The following RORA variants were observed in gnomAD, a reference collection of about 807,000 sequenced individuals.
The protein encoded by RORA is RAR related orphan receptor A.
In RORA, 7 loss-of-function variants were observed where a neutral mutation model predicts 69.5. The observed-to-expected ratio is 0.10, with a 90% CI of 0.06 to 0.19. RORA has a LOEUF of 0.19. Among genes scored for constraint, RORA ranks in the 10% least tolerant of loss-of-function variants. RORA has a pLI of 1.00. For missense variants in RORA, 457 were observed against 663.0 expected, an observed-to-expected ratio of 0.69 and a Z score of 3.41; for synonymous variants, 261 against 240.8, an observed-to-expected ratio of 1.08 and a Z score of -0.78.
intron 2 of RORA, among the ~76,000 whole-genome samples, chr15:60,556,596 T>C (rs1218681140): frequency 1.3e-5 from 2 of 152,214 alleles, no homozygotes; most frequent in Admixed American, 1.3e-4. Context: ...GTGAAGATAT[T>C]GTCACTGACT....
intron 1 of RORA, among the ~76,000 whole-genome samples, chr15:61,189,392 T>C (rs1001798927): frequency 2.0e-5 from 3 of 152,070 alleles, no homozygotes; most frequent in Non-Finnish European, 4.4e-5. Flanking sequence ...TGGGCTCTTG[T>C]TTTTGAGAGG....
At chr15:60,910,799 C>T (rs1442023656) in intron 1 of RORA, among the ~76,000 whole-genome samples, 1 of 151,904 alleles carries the variant, frequency 6.6e-6, no homozygotes, top group African/African-American at 2.4e-5. Flanking sequence ...TTCATCCCCA[C>T]ACTGTCAGTC....
At chr15:60,717,363 C>T (rs756782646) in intron 1 of RORA, among the ~76,000 whole-genome samples, 31 of 152,160 alleles carry the variant, frequency 2.0e-4, no homozygotes, top group African/African-American at 3.9e-4. Flanking sequence ...GTGCCTTGTA[C>T]GCAACCATTC....
At chr15:61,177,627 A>C (rs984062890) in intron 1 of RORA, among the ~76,000 whole-genome samples, 2 of 152,030 alleles carry the variant, frequency 1.3e-5, no homozygotes, top group South Asian at 4.2e-4. Context: ...AAAATTATAT[A>C]ATAAGAATAA....
chr15:60,549,643 TGG>T (rs2140385205), intron 2 of RORA, among the ~76,000 whole-genome samples: 1 of 152,302 alleles, frequency 6.6e-6, no homozygotes, highest in South Asian at 2.1e-4. Context: ...TATGTGTGTG[TGG>T]GAGGGAGGAT....
chr15:60,582,508 G>C (rs1424684425), intron 2 of RORA, among the ~76,000 whole-genome samples: 1 of 152,122 alleles, frequency 6.6e-6, no homozygotes, highest in African/African-American at 2.4e-5. Flanking sequence ...CGCAGATCTG[G>C]GACAATAACC....
intron 1 of RORA, among the ~76,000 whole-genome samples, chr15:60,697,722 C>T (rs377211678): frequency 5.3e-5 from 8 of 152,228 alleles, no homozygotes; most frequent in Non-Finnish European, 1.0e-4. Flanking sequence ...TCTGAAGAGA[C>T]GTAAATTTCT....
At chr15:60,766,610 C>T (rs1323501583) in intron 1 of RORA, among the ~76,000 whole-genome samples, 2 of 151,844 alleles carry the variant, frequency 1.3e-5, no homozygotes, top group South Asian at 2.1e-4. Flanking sequence ...GTGATCTCTG[C>T]ACTCGCCTAT....
At chr15:60,761,353 C>T (rs1015377945) in intron 1 of RORA, among the ~76,000 whole-genome samples, 2 of 152,060 alleles carry the variant, frequency 1.3e-5, no homozygotes, top group Non-Finnish European at 2.9e-5. Context: ...CCACCCAGAA[C>T]GCAATGAATC....
At chr15:60,572,105 A>C (rs1329182912) in intron 2 of RORA, among the ~76,000 whole-genome samples, 1 of 152,206 alleles carries the variant, frequency 6.6e-6, no homozygotes, top group African/African-American at 2.4e-5. Flanking sequence ...TACTAGGTAT[A>C]CCCTCATCCA....
chr15:60,697,053 T>A (rs1462304434), intron 1 of RORA, among the ~76,000 whole-genome samples: 3 of 152,152 alleles, frequency 2.0e-5, no homozygotes, highest in Non-Finnish European at 4.4e-5. Context: ...TCTGGGATTG[T>A]AAAGGATTTG....
At chr15:60,507,800 G>A (rs1339009974) in intron 5 of RORA, among the ~76,000 whole-genome samples, 1 of 152,158 alleles carries the variant, frequency 6.6e-6, no homozygotes, top group Admixed American at 6.5e-5. Context: ...GGGATGCTGT[G>A]GAGTGAAGGA....
At chr15:60,784,946 C>T (rs1222564819) in intron 1 of RORA, among the ~76,000 whole-genome samples, 1 of 152,142 alleles carries the variant, frequency 6.6e-6, no homozygotes, top group Non-Finnish European at 1.5e-5. Flanking sequence ...TTAGATGTCA[C>T]CCCTGTCCCA....
intron 1 of RORA, among the ~76,000 whole-genome samples, chr15:61,204,360 A>T (rs1388279839): frequency 6.6e-6 from 1 of 152,232 alleles, no homozygotes; most frequent in African/African-American, 2.4e-5. Context: ...ATGAGTGGAT[A>T]AATCGATTGT....
chr15:60,528,511 G>T (rs2066431638), intron 3 of RORA: 1 of 152,154 alleles, frequency 6.6e-6, no homozygotes, highest in South Asian at 2.1e-4. Flanking sequence ...TATGTCTTTG[G>T]ATCCCTTACA....
rs11853391 is a variant in RORA at position 60,911,369 on chromosome 15, G to A, written c.167-232683C>T. 1.1e-4 allele frequency among the ~76,000 whole-genome samples: 17 copies of A among 152,186 alleles called. 1 individual carries two copies. In the South Asian group the frequency reaches 3.1e-3, roughly 28 times the overall value. On this transcript the variant is annotated intron_variant, in intron 1 of 10. Transcript: ENST00000335670. Reference sequence around the variant, plus strand: ...CTTCTGCTCTCAAGGCCATTTCCACGGCCATGTTTGAGAACATCAGATCAA... The same window carrying A: ...CTTCTGCTCTCAAGGCCATTTCCACAGCCATGTTTGAGAACATCAGATCAA...
In RORA at chr15:60,737,113, T is replaced by A. The variant is rs1485040664; in HGVS notation, c.167-58427A>T. Among the ~76,000 whole-genome samples the A allele has an allele frequency of 3.3e-5, 5 of 152,154 alleles. No homozygotes were observed. The East Asian group carries it at 9.6e-4, about 29-fold the overall frequency. ...TTCTGCTACAACCATTTCATAGCTG[T>A]GCATCACTAGAGGGGATGCCAGTGG... On this transcript the variant is annotated intron_variant, in intron 1 of 10. Coordinates refer to ENST00000335670, the MANE Select transcript of RORA (RefSeq NM_134261.3).
chr15:60,862,223 C>T (rs576982152), intron 1 of RORA, among the ~76,000 whole-genome samples: 2 of 152,334 alleles, frequency 1.3e-5, no homozygotes, highest in African/African-American at 2.4e-5. Context: ...ATTTTCACTC[C>T]TTCTCACAAG....
At chr15:60,562,689 A>G (rs1458873083) in intron 2 of RORA, among the ~76,000 whole-genome samples, 1 of 142,984 alleles carries the variant, frequency 7.0e-6, no homozygotes, top group Non-Finnish European at 1.5e-5. Context: ...CTCGTGATCC[A>G]CCCGCCTTGG....
Sources: gnomAD v4.1 joint callset for allele counts (sites outside exome capture counted in the v4.1 genomes callset) on GRCh38, gnomAD v4.1.1 for gene constraint, MANE v1.5 for transcripts, NCBI Gene and HGNC (gene_info 2026-07-23, HGNC 2026-07-21) for gene names.